WDFY4: variants seen among roughly 807,000 people sequenced by gnomAD.
The protein encoded by WDFY4 is WD repeat- and FYVE domain-containing protein 4.
In WDFY4, 169 loss-of-function variants were observed where a neutral mutation model predicts 351.9. The ratio of observed to expected loss-of-function variants is 0.48; its 90% CI spans 0.42 to 0.55. The LOEUF (loss-of-function observed/expected upper bound fraction) is 0.55, where lower values mean the gene tolerates loss of function less well. Ranked by LOEUF, WDFY4 falls within the 20% of genes least tolerant of loss-of-function variation. The probability of loss-of-function intolerance (pLI) is 0.00; values close to 1 mark genes in which losing one functional copy is unlikely to be tolerated. For synonymous variants in WDFY4, 1,622 were observed against 1,574.6 expected, an observed-to-expected ratio of 1.03 and a Z score of -0.71; for missense variants, 3,803 against 3,935.6, an observed-to-expected ratio of 0.97 and a Z score of 0.90.
At position 48,810,668 on chromosome 10, in the gene WDFY4, G is replaced by C. The variant is rs1239302195; in HGVS notation, c.4977G>C (p.Arg1659=). The C allele has an allele frequency of 8.4e-6, 13 of 1,551,540 alleles. No individual in the cohort carries two copies. The African/African-American group carries it at 1.5e-4, about 18-fold the overall frequency. ...TGGCAAGCCCCTCCCTCCGCACACG[G>C]TTTAGAGATGGCCTGTGTGCAGGAT... ...YFLASPSLRT[R]FRDGLCAGSW... is the part of the protein sequence containing the mutation. Residue 1659 remains arginine, a synonymous_variant, in exon 29 of 62, where the codon CGG becomes CGC. Transcript: ENST00000325239.
intron 47 of WDFY4, among the ~76,000 whole-genome samples, chr10:48,912,575 C>T (rs1838103892): frequency 6.6e-6 from 1 of 152,228 alleles, no homozygotes; most frequent in African/African-American, 2.4e-5. Flanking sequence ...CCAGCTTGCA[C>T]CAGGCAAGCC....
chr10:48,902,280 A>G (rs1198605062), intron 47 of WDFY4, among the ~76,000 whole-genome samples: 2 of 152,246 alleles, frequency 1.3e-5, no homozygotes, highest in African/African-American at 4.8e-5. Context: ...TGTGCGAATC[A>G]GACATTAATT....
At chr10:48,761,076 G>T (rs1241814804) in intron 13 of WDFY4, among the ~76,000 whole-genome samples, 1 of 152,196 alleles carries the variant, frequency 6.6e-6, no homozygotes, top group Non-Finnish European at 1.5e-5. Flanking sequence ...TTAGATAAAG[G>T]GTTGGAGGTC....
chr10:48,869,137 A>G (rs1338103421), intron 40 of WDFY4, among the ~76,000 whole-genome samples: 1 of 152,260 alleles, frequency 6.6e-6, no homozygotes, highest in African/African-American at 2.4e-5. Flanking sequence ...AACATCTGCC[A>G]TAGATAATGG....
intron 13 of WDFY4, among the ~76,000 whole-genome samples, chr10:48,763,967 G>A (rs534952506): frequency 2.0e-5 from 3 of 152,358 alleles, no homozygotes; most frequent in South Asian, 4.1e-4. Flanking sequence ...GCAGGCCTCC[G>A]CAGGTTTTGG....
chr10:48,809,332 C>T (rs1407047676), intron 28 of WDFY4, among the ~76,000 whole-genome samples: 3 of 151,638 alleles, frequency 2.0e-5, no homozygotes, highest in Non-Finnish European at 4.4e-5. Flanking sequence ...CCATCACCCT[C>T]ACCACCATCA....
intron 49 of WDFY4, among the ~76,000 whole-genome samples, chr10:48,944,166 A>G (rs1840928268): frequency 6.6e-6 from 1 of 152,192 alleles, no homozygotes; most frequent in Non-Finnish European, 1.5e-5. Context: ...CTGGGAAAGA[A>G]AGGAGAGAGA....
Position 48,822,373 on chromosome 10 carries a change from T to C in WDFY4, c.5825-7T>C. 1 of 1,536,588 alleles carries C rather than the reference T, an allele frequency of 6.5e-7. No individual in the cohort carries two copies. Among genetic ancestry groups the C allele is most frequent in the South Asian group, 1.2e-5 (1 of 81,526 alleles). ...CTCTCACCTCCACCTGTCCCCTCAC[T>C]CCACAGACGGCAAAGAGCCTCAGCC... On this transcript the variant is annotated splice_region_variant and splice_polypyrimidine_tract_variant and intron_variant, in intron 34 of 61. Transcript: ENST00000325239.
intron 17 of WDFY4, 103 bp from the exon 18 acceptor site, chr10:48,778,508 A>G: frequency 8.6e-7 from 1 of 1,156,942 alleles, no homozygotes; most frequent in Non-Finnish European, 1.2e-6. Flanking sequence ...CAAGACACCC[A>G]GTAGGTGCTG....
intron 47 of WDFY4, among the ~76,000 whole-genome samples, chr10:48,931,702 T>G (rs1423726642): frequency 6.6e-6 from 1 of 152,198 alleles, no homozygotes; most frequent in Non-Finnish European, 1.5e-5. Flanking sequence ...TGCTGCAATG[T>G]CTAATCCTAA....
Position 48,840,279 on chromosome 10 carries a change from T to A in WDFY4, c.6663+7570T>A, listed in dbSNP as rs530264684. ...GAGGGACAGAGTCTGGTGATGGAGG[T>A]GGGGACACACTGCAGCATCAGGGAA... is the stretch of plus-strand genomic sequence containing the variant. On this transcript the variant is annotated intron_variant, in intron 39 of 61. Transcript: ENST00000325239. Among the ~76,000 whole-genome samples the A allele has an allele frequency of 2.6e-5, 4 of 151,794 alleles. No individual in the cohort carries two copies. In the South Asian group the frequency reaches 8.4e-4, roughly 32 times the overall value.
chr10:48,737,817 T>C (rs1040611098), intron 11 of WDFY4, among the ~76,000 whole-genome samples: 4 of 152,162 alleles, frequency 2.6e-5, no homozygotes, highest in African/African-American at 4.8e-5. Flanking sequence ...ATATCAAAAA[T>C]AAAGAAAATA....
At chr10:48,723,695 G>C in intron 5 of WDFY4, 128 bp downstream of exon 5, 1 of 1,310,554 alleles carries the variant, frequency 7.6e-7, no homozygotes, top group East Asian at 2.6e-5. Flanking sequence ...TTCTCCCAGA[G>C]GGTCTAACCT....
At chr10:48,850,093 T>C (rs2068907552) in intron 39 of WDFY4, among the ~76,000 whole-genome samples, 3 of 152,214 alleles carry the variant, frequency 2.0e-5, no homozygotes, top group Non-Finnish European at 4.4e-5. Flanking sequence ...ACGATGTCCA[T>C]ATAATGTCAT....
chr10:48,814,016 C>G lies in WDFY4; in HGVS notation c.5274C>G (p.Leu1758=). 6.4e-7 allele frequency: 1 copy of G among 1,550,840 alleles called. No individual in the cohort carries two copies. The highest frequency in any genetic ancestry group is 2.4e-5 in the East Asian group (1 of 40,896). ...LLQRHHQEEV[L]QAGLCTEGAL... ...AGAGGCACCACCAGGAAGAAGTCCT[C>G]CAGGCTGGGCTGTGCACAGAAGGTG... is the stretch of plus-strand genomic sequence containing the variant. Residue 1758 remains leucine, a synonymous_variant, in exon 31 of 62, where the codon CTC becomes CTG. Coordinates refer to ENST00000325239, the MANE Select transcript of WDFY4 (RefSeq NM_001394531.1).
At chr10:48,892,418 A>C (rs1057131350) in intron 44 of WDFY4, among the ~76,000 whole-genome samples, 7 of 152,230 alleles carry the variant, frequency 4.6e-5, no homozygotes, top group African/African-American at 1.7e-4. Flanking sequence ...CTAGAATGCA[A>C]GCAGGAGTAG....
intron 51 of WDFY4, among the ~76,000 whole-genome samples, chr10:48,949,649 T>C (rs917034630): frequency 3.3e-5 from 5 of 152,032 alleles, no homozygotes; most frequent in Non-Finnish European, 5.9e-5. Context: ...GTGAGAGACG[T>C]GGGGAGGCTG....
intron 43 of WDFY4, among the ~76,000 whole-genome samples, chr10:48,880,698 AC>A (rs1341759422): frequency 6.6e-6 from 1 of 151,968 alleles, no homozygotes; most frequent in Non-Finnish European, 1.5e-5. Context: ...GGGCAGAGTG[AC>A]CCTTGCCATT....
chr10:48,966,036 T>A (rs918582438), intron 54 of WDFY4, among the ~76,000 whole-genome samples: 3 of 152,142 alleles, frequency 2.0e-5, no homozygotes, highest in African/African-American at 7.2e-5. Context: ...CTAATGGGAT[T>A]TGCCTGTGTT....
Sources: allele counts gnomAD v4.1 joint callset (sites outside exome capture counted in the v4.1 genomes callset), GRCh38; gene constraint gnomAD v4.1.1; transcripts MANE v1.5; gene names NCBI Gene and HGNC (gene_info 2026-07-23, HGNC 2026-07-21).